Variants in SERINC3 observed in about 807,000 individuals in gnomAD.
The protein encoded by SERINC3 is serine incorporator 3.
Under a neutral mutation model 52.1 loss-of-function variants are expected in SERINC3, and 22 were observed. That is an observed-to-expected ratio of 0.42 (90% confidence interval 0.30 to 0.60). The LOEUF is 0.60. Among genes scored for constraint, SERINC3 ranks in the 20% least tolerant of loss-of-function variants. SERINC3 has a pLI of 0.16. For synonymous variants in SERINC3, 226 were observed against 212.7 expected (o/e 1.06, Z -0.54); for missense variants, 564 against 584.6 (o/e 0.96, Z 0.36).
In SERINC3 at chr20:44,500,450, A is replaced by T. The variant is rs2064272620; in HGVS notation, c.1284-16T>A. On this transcript the variant is annotated splice_polypyrimidine_tract_variant and intron_variant, in intron 9 of 9. Coordinates refer to ENST00000342374, the MANE Select transcript of SERINC3 (RefSeq NM_006811.4). ...TGCATCAGGGCTAAGAAAACAAGAGAGAGTCAGGTAGAAAAGCCTGGTCTA... is the reference window on the plus strand; with the variant it reads ...TGCATCAGGGCTAAGAAAACAAGAGTGAGTCAGGTAGAAAAGCCTGGTCTA... 1 of 1,554,108 alleles carries T rather than the reference A, an allele frequency of 6.4e-7. No individual in the cohort carries two copies. The highest frequency in any genetic ancestry group is 8.7e-7 in the Non-Finnish European group (1 of 1,148,088).
chr20:44,501,033 G>C, intron 9 of SERINC3, 40 bp downstream of exon 9: 1 of 1,451,132 alleles, frequency 6.9e-7, no homozygotes, highest in Non-Finnish European at 9.7e-7. Flanking sequence ...GCCATCCAAG[G>C]GTTTTATGGT....
intron 5 of SERINC3, among the ~76,000 whole-genome samples, chr20:44,509,450 A>G (rs1950373980): frequency 6.6e-6 from 1 of 152,264 alleles, no homozygotes. Flanking sequence ...AATTTATATT[A>G]TCTGTGCTAC....
At chr20:44,510,888 C>T (rs1356945673) in intron 4 of SERINC3, among the ~76,000 whole-genome samples, 6 of 151,778 alleles carry the variant, frequency 4.0e-5, no homozygotes, top group African/African-American at 1.5e-4. Context: ...GTCAGTTCTA[C>T]AAAAACAGTA....
In SERINC3 at chr20:44,515,975, T is replaced by C. The variant is rs190928113; in HGVS notation, c.40-1935A>G. Among the ~76,000 whole-genome samples the C allele has an allele frequency of 3.9e-3, 600 of 152,244 alleles. 3 individuals carry two copies. The highest frequency in any genetic ancestry group is 6.2e-3 in the Non-Finnish European group (421 of 68,010). On this transcript the variant is annotated intron_variant, in intron 1 of 9. Coordinates refer to ENST00000342374, the MANE Select transcript of SERINC3 (RefSeq NM_006811.4). ...CGGCCCACTAAACATTTTGAAATGG[T>C]TAATTTTATGTCAACTTTACCTCCT... is the stretch of plus-strand genomic sequence containing the variant.
chr20:44,504,539 T>C (rs1344362943), intron 7 of SERINC3, among the ~76,000 whole-genome samples: 4 of 152,186 alleles, frequency 2.6e-5, no homozygotes, highest in African/African-American at 9.6e-5. Flanking sequence ...TCTTAACTAG[T>C]TTGACTCAGC....
intron 1 of SERINC3, among the ~76,000 whole-genome samples, chr20:44,518,776 C>A (rs2064396967): frequency 6.6e-6 from 1 of 152,048 alleles, no homozygotes; most frequent in African/African-American, 2.4e-5. Context: ...ACCGGCCTGA[C>A]CAACATGGAG....
chr20:44,510,891 A>G (rs1230539040), intron 4 of SERINC3, among the ~76,000 whole-genome samples: 7 of 151,970 alleles, frequency 4.6e-5, no homozygotes, highest in Non-Finnish European at 5.9e-5. Flanking sequence ...AGTTCTACAA[A>G]AACAGTAATT....
In SERINC3 at chr20:44,499,009, C is replaced by G. The variant is rs1362596348; in HGVS notation, c.*1287G>C. ...CTTAAATATCATTTTCTCCAGAAAG[C>G]CTACCATTACACCAAATACCTCTCC... On this transcript the variant is annotated 3_prime_UTR_variant, in exon 10 of 10. Coordinates refer to ENST00000342374, the MANE Select transcript of SERINC3 (RefSeq NM_006811.4). 6.6e-6 allele frequency: 1 copy of G among 152,186 alleles called. No homozygotes were observed. Among genetic ancestry groups the G allele is most frequent in the Admixed American group, 6.5e-5 (1 of 15,278 alleles). 9.4% of individuals were successfully genotyped at this position (152,186 alleles called of 1,614,324 possible).
At chr20:44,520,978 T>C (rs2064412943) in intron 1 of SERINC3, among the ~76,000 whole-genome samples, 1 of 152,188 alleles carries the variant, frequency 6.6e-6, no homozygotes, top group African/African-American at 2.4e-5. Context: ...CTTGTGTGAT[T>C]TGATGCTATC....
In SERINC3 at chr20:44,512,330, A is replaced by C. The variant is rs547557606; in HGVS notation, c.395+471T>G. On this transcript the variant is annotated intron_variant, in intron 3 of 9. Transcript: ENST00000342374. ...CTCCATCTCCAAAAACAAAACAAAA[A>C]AAAAAAAAAAAAAAGGAGAGAATTA... Among the ~76,000 whole-genome samples, 98 of 151,824 alleles carry C rather than the reference A, an allele frequency of 6.5e-4. 1 individual carries two copies. In the South Asian group the frequency reaches 8.5e-3, roughly 13 times the overall value.
chr20:44,508,530 T>C (rs1392212254), intron 5 of SERINC3, among the ~76,000 whole-genome samples: 2 of 151,934 alleles, frequency 1.3e-5, no homozygotes, highest in South Asian at 2.1e-4. Flanking sequence ...AAAAATAAAA[T>C]TGTCATTACA....
At chr20:44,504,705 C>T in intron 7 of SERINC3, 96 bp downstream of exon 7, 4 of 996,980 alleles carry the variant, frequency 4.0e-6, no homozygotes, top group Non-Finnish European at 6.0e-6. Context: ...TTGCTTGTTT[C>T]ACATTTGCTC....
downstream of SERINC3, among the ~76,000 whole-genome samples, chr20:44,497,205 C>T (rs888241202): frequency 9.2e-5 from 14 of 152,214 alleles, no homozygotes; most frequent in Non-Finnish European, 1.2e-4. Context: ...TCTGATGACT[C>T]AAAATACTCC....
Position 44,522,032 on chromosome 20 carries a change from G to C in SERINC3, c.-81C>G, listed in dbSNP as rs1600823281. On this transcript the variant is annotated 5_prime_UTR_variant, in exon 1 of 10. Transcript: ENST00000342374. ...AACTGCCAGCTGAGGTGACTCCCCA[G>C]AAACATGACGGTTTCTCAGGCCGGA... The C allele has an allele frequency of 2.1e-6, 3 of 1,404,952 alleles. No individual in the cohort carries two copies. The highest frequency in any genetic ancestry group is 5.1e-5 in the East Asian group (2 of 39,602). The allele number at this position is 1,404,952 out of a possible 1,614,324, so 87.0% of individuals were successfully genotyped here. A position where few individuals can be genotyped will look rare whatever the true frequency, so the allele number is the denominator to read the frequency against.
chr20:44,514,428 C>A (rs2064367212), intron 1 of SERINC3, among the ~76,000 whole-genome samples: 1 of 152,192 alleles, frequency 6.6e-6, no homozygotes, highest in Non-Finnish European at 1.5e-5. Context: ...CCACTTGCTG[C>A]TTACTGCGAA....
chr20:44,518,528 G>A (rs968076510), intron 1 of SERINC3, among the ~76,000 whole-genome samples: 3 of 152,090 alleles, frequency 2.0e-5, no homozygotes, highest in Non-Finnish European at 2.9e-5. Context: ...GAAGAAGCTG[G>A]AAAGACCCAC....
At chr20:44,501,879 CA>C (rs1163873518) in intron 8 of SERINC3, among the ~76,000 whole-genome samples, 1 of 152,184 alleles carries the variant, frequency 6.6e-6, no homozygotes, top group South Asian at 2.1e-4. Flanking sequence ...AATGTAAATA[CA>C]AAAACAGGAC....
At chr20:44,500,645 CTT>C in intron 9 of SERINC3, among the ~76,000 whole-genome samples, 1 of 152,176 alleles carries the variant, frequency 6.6e-6, no homozygotes, top group Non-Finnish European at 1.5e-5. Context: ...TCTCAAATGA[CTT>C]TTCTTCTTGC....
chr20:44,496,991 A>G, downstream of SERINC3, among the ~76,000 whole-genome samples: 1 of 152,216 alleles, frequency 6.6e-6, no homozygotes, highest in East Asian at 1.9e-4. Flanking sequence ...TAGAAAATAA[A>G]GGAGTCCAGC....
Sources: allele counts gnomAD v4.1 joint callset (sites outside exome capture counted in the v4.1 genomes callset), GRCh38; gene constraint gnomAD v4.1.1; transcripts MANE v1.5; gene names NCBI Gene and HGNC (gene_info 2026-07-23, HGNC 2026-07-21).